Variants in PLGRKT observed in about 807,000 individuals in gnomAD.
PLGRKT encodes plasminogen receptor with a C-terminal lysine.
Under a neutral mutation model 18.5 loss-of-function variants are expected in PLGRKT, and 22 were observed. That is an observed-to-expected ratio of 1.19 (90% confidence interval 0.85 to 1.70). The LOEUF is 1.70. Among genes scored for constraint, PLGRKT ranks in the 40% most tolerant of loss-of-function variants. PLGRKT has a pLI of 0.00. For missense variants in PLGRKT, 235 were observed against 174.4 expected (o/e 1.35, Z -1.96); for synonymous variants, 72 against 52.8 (o/e 1.36, Z -1.58).
rs371368422 is a variant in PLGRKT, at chr9:5,397,627, AG to A, written c.81+34269del. 1.1e-3 allele frequency among the ~76,000 whole-genome samples: 166 copies of A among 151,374 alleles called. 6 individuals are homozygous for A. Among genetic ancestry groups the A allele is most frequent in the African/African-American group, 3.5e-3 (144 of 40,844 alleles). Reference sequence around the variant, plus strand: ...AAAGGAGGAAGAAAAGGGAGGGAAGAGGGGAGAGAGGGAAGAAGGAAGCAAG... The same window carrying A: ...AAAGGAGGAAGAAAAGGGAGGGAAGAGGGAGAGAGGGAAGAAGGAAGCAAG... On this transcript the variant is annotated intron_variant, in intron 3 of 5. Coordinates refer to ENST00000223864, the MANE Select transcript of PLGRKT (RefSeq NM_018465.4).
chr9:5,406,368 A>G (rs1206804520), intron 3 of PLGRKT, among the ~76,000 whole-genome samples: 1 of 152,234 alleles, frequency 6.6e-6, no homozygotes, highest in Non-Finnish European at 1.5e-5. Context: ...CCAAATGCCC[A>G]TCAATAACAG....
intron 3 of PLGRKT, among the ~76,000 whole-genome samples, chr9:5,421,666 C>A (rs905907958): frequency 1.3e-5 from 2 of 152,168 alleles, no homozygotes; most frequent in Admixed American, 1.3e-4. Context: ...ATGCTGTGTG[C>A]TAAATTCTTG....
chr9:5,395,419 T>A (rs1292990087), intron 3 of PLGRKT, among the ~76,000 whole-genome samples: 2 of 151,838 alleles, frequency 1.3e-5, no homozygotes, highest in South Asian at 2.1e-4. Flanking sequence ...ATTCTGGACT[T>A]CAATTCTGAA....
chr9:5,404,971 C>A (rs554930473), intron 3 of PLGRKT, among the ~76,000 whole-genome samples: 1 of 152,024 alleles, frequency 6.6e-6, no homozygotes, highest in South Asian at 2.1e-4. Flanking sequence ...ACAAGCATTC[C>A]TATATACCAA....
At chr9:5,429,167 G>T (rs1375175904) in intron 3 of PLGRKT, among the ~76,000 whole-genome samples, 1 of 152,188 alleles carries the variant, frequency 6.6e-6, no homozygotes, top group East Asian at 1.9e-4. Flanking sequence ...AATGTACAAT[G>T]ACATTGATGT....
At position 5,393,368 on chromosome 9, in the gene PLGRKT, T is replaced by C. The variant is rs559988909; in HGVS notation, c.82-31480A>G. On this transcript the variant is annotated intron_variant, in intron 3 of 5. Coordinates refer to ENST00000223864, the MANE Select transcript of PLGRKT (RefSeq NM_018465.4). ...TTCCTACACCTCTTGGTGGTTTTTT[T>C]CTATGGTTACTGTGAAATATGTGGA... Among the ~76,000 whole-genome samples the C allele has an allele frequency of 3.9e-5, 6 of 152,064 alleles. No individual in the cohort carries two copies. The South Asian group carries it at 6.2e-4, about 16-fold the overall frequency.
chr9:5,422,754 A>T (rs904042338), intron 3 of PLGRKT, among the ~76,000 whole-genome samples: 2 of 152,210 alleles, frequency 1.3e-5, no homozygotes, highest in Non-Finnish European at 2.9e-5. Flanking sequence ...AATTTGCCTT[A>T]AAGTATATTC....
intron 3 of PLGRKT, among the ~76,000 whole-genome samples, chr9:5,416,359 A>G (rs1332529633): frequency 6.6e-6 from 1 of 152,180 alleles, no homozygotes; most frequent in Non-Finnish European, 1.5e-5. Flanking sequence ...TTTTAATAGC[A>G]AGGTTACCTG....
chr9:5,375,357 G>A (rs530528610), intron 3 of PLGRKT, among the ~76,000 whole-genome samples: 2 of 152,132 alleles, frequency 1.3e-5, no homozygotes, highest in African/African-American at 2.4e-5. Context: ...TGACAGGATG[G>A]TGGAAAGGAA....
At chr9:5,401,247 C>T (rs1180770867) in intron 3 of PLGRKT, among the ~76,000 whole-genome samples, 1 of 151,354 alleles carries the variant, frequency 6.6e-6, no homozygotes, top group Non-Finnish European at 1.5e-5. Flanking sequence ...CTATCAAAGA[C>T]ATAAAGAAAT....
At chr9:5,438,089 G>A (rs1818998207), upstream of PLGRKT, among the ~76,000 whole-genome samples, 1 of 152,190 alleles carries the variant, frequency 6.6e-6, no homozygotes, top group Non-Finnish European at 1.5e-5. Flanking sequence ...TTTGAGATGA[G>A]GCAGAGGAAG....
rs1398435194 is a variant in PLGRKT, at chr9:5,358,436, T to C, written c.323-76A>G. 1.2e-5 allele frequency: 16 copies of C among 1,338,560 alleles called. No individual in the cohort carries two copies. The Admixed American group carries it at 2.7e-4, about 23-fold the overall frequency. 82.9% of individuals were successfully genotyped at this position (1,338,560 alleles called of 1,614,324 possible). ...TTGTGACAAAGCCTGATTGCTATAT[T>C]CCTTGACAGGCTCTAACACCGTATG... On this transcript the variant is annotated intron_variant, in intron 5 of 5. Transcript: ENST00000223864.
intron 3 of PLGRKT, among the ~76,000 whole-genome samples, chr9:5,406,466 G>A (rs1269832520): frequency 6.6e-6 from 1 of 152,166 alleles, no homozygotes; most frequent in Non-Finnish European, 1.5e-5. Flanking sequence ...GCAGGGCAAT[G>A]GATGAAGCTG....
chr9:5,363,529 G>C (rs1294883900), intron 3 of PLGRKT, among the ~76,000 whole-genome samples: 2 of 152,156 alleles, frequency 1.3e-5, no homozygotes, highest in Non-Finnish European at 2.9e-5. Context: ...CTTGGCCGCT[G>C]AGGGAGACGG....
intron 3 of PLGRKT, among the ~76,000 whole-genome samples, chr9:5,431,350 A>G (rs1818818679): frequency 6.6e-6 from 1 of 152,068 alleles, no homozygotes; most frequent in South Asian, 2.1e-4. Flanking sequence ...CCTGGCCAAC[A>G]TGGTGAAACC....
chr9:5,389,843 G>T (rs767276501), intron 3 of PLGRKT, among the ~76,000 whole-genome samples: 1 of 151,822 alleles, frequency 6.6e-6, no homozygotes, highest in Non-Finnish European at 1.5e-5. Context: ...TATGTGAAAC[G>T]GACCTTCATT....
intron 3 of PLGRKT, among the ~76,000 whole-genome samples, chr9:5,372,124 G>A (rs1817532661): frequency 6.6e-6 from 1 of 151,678 alleles, no homozygotes; most frequent in Non-Finnish European, 1.5e-5. Context: ...TGGGACTACA[G>A]GCACACACCA....
chr9:5,385,345 A>G (rs1263269947), intron 3 of PLGRKT, among the ~76,000 whole-genome samples: 1 of 151,816 alleles, frequency 6.6e-6, no homozygotes, highest in African/African-American at 2.4e-5. Context: ...TATGTCTTTT[A>G]TCCACCACAC....
intron 2 of PLGRKT, among the ~76,000 whole-genome samples, chr9:5,435,171 C>A (rs182025258): frequency 2.6e-5 from 4 of 152,266 alleles, no homozygotes; most frequent in South Asian, 2.1e-4. Context: ...CCCAGGGACA[C>A]AAACAGGGCC....
Sources: gnomAD v4.1 joint callset for allele counts (sites outside exome capture counted in the v4.1 genomes callset) on GRCh38, gnomAD v4.1.1 for gene constraint, MANE v1.5 for transcripts, NCBI Gene and HGNC (gene_info 2026-07-23, HGNC 2026-07-21) for gene names.